TCERG1L: variants seen among roughly 807,000 people sequenced by gnomAD.
TCERG1L encodes transcription elongation regulator 1 like.
In TCERG1L, 37 loss-of-function variants were observed where a neutral mutation model predicts 56.3. That is an observed-to-expected ratio of 0.66 (90% CI 0.51 to 0.87). The LOEUF is 0.87. Ranked by LOEUF, TCERG1L falls within the 40% of genes least tolerant of loss-of-function variation. TCERG1L has a pLI of 0.00. For synonymous variants in TCERG1L, 324 were observed against 326.3 expected, an observed-to-expected ratio of 0.99 and a Z score of 0.08; for missense variants, 799 against 774.2, an observed-to-expected ratio of 1.03 and a Z score of -0.38.
intron 7 of TCERG1L, among the ~76,000 whole-genome samples, chr10:131,140,447 G>C (rs572671371): frequency 6.6e-6 from 1 of 152,202 alleles, no homozygotes; most frequent in African/African-American, 2.4e-5. Context: ...GGCTTGGTAG[G>C]TTAGAAGGTA....
intron 3 of TCERG1L, among the ~76,000 whole-genome samples, chr10:131,295,756 C>A (rs1846683489): frequency 6.6e-6 from 1 of 152,200 alleles, no homozygotes; most frequent in African/African-American, 2.4e-5. Flanking sequence ...AACCCTCCTT[C>A]TAGCTATTTG....
intron 4 of TCERG1L, among the ~76,000 whole-genome samples, chr10:131,230,834 C>T (rs11815527): frequency 9.6e-4 from 146 of 152,330 alleles, no homozygotes; most frequent in African/African-American, 3.3e-3. Context: ...TCCAGGCAGG[C>T]GGCTCTGGAC....
intron 3 of TCERG1L, among the ~76,000 whole-genome samples, chr10:131,273,118 C>G (rs1183587936): frequency 6.6e-6 from 1 of 152,200 alleles, no homozygotes; most frequent in Non-Finnish European, 1.5e-5. Context: ...GCAGCGCCAC[C>G]TTCCACTCCC....
intron 4 of TCERG1L, among the ~76,000 whole-genome samples, chr10:131,207,340 T>G (rs1408088080): frequency 6.6e-6 from 1 of 152,148 alleles, no homozygotes; most frequent in African/African-American, 2.4e-5. Flanking sequence ...GCAGGCCTGG[T>G]GGACAGGCGT....
At chr10:131,223,039 G>A (rs558309056) in intron 4 of TCERG1L, among the ~76,000 whole-genome samples, 5 of 152,302 alleles carry the variant, frequency 3.3e-5, no homozygotes, top group African/African-American at 9.6e-5. Context: ...TGGGGTTCAC[G>A]AGATGCAAGC....
intron 1 of TCERG1L, among the ~76,000 whole-genome samples, chr10:131,310,439 GAATTA>G (rs1033205619): frequency 5.9e-5 from 9 of 152,142 alleles, no homozygotes; most frequent in South Asian, 2.1e-4. Flanking sequence ...GATAATATTG[GAATTA>G]AATTAATCAA....
Position 131,093,202 on chromosome 10 carries a change from C to A in TCERG1L, c.1721G>T (p.Arg574Leu), listed in dbSNP as rs139123582. Residue 574 changes from arginine (R) to leucine (L), a missense_variant, in exon 12 of 12, where the codon CGG becomes CTG. Arg to Leu is a moderately radical substitution (Grantham distance 102). Transcript: ENST00000368642. ...CAGCCTTAGTCTGTTTTCCTTGTCC[C>A]GTTTCTTAAGAATAAGTATGAATTG... ...FNQFILILKK[R>L]DKENRLRLRK... 6.2e-7 allele frequency: 1 copy of A among 1,613,742 alleles called. No individual in the cohort carries two copies. The highest frequency in any genetic ancestry group is 8.5e-7 in the Non-Finnish European group (1 of 1,179,858).
chr10:131,306,424 A>G (rs1407441917), intron 3 of TCERG1L, among the ~76,000 whole-genome samples: 1 of 152,048 alleles, frequency 6.6e-6, no homozygotes, highest in Non-Finnish European at 1.5e-5. Context: ...GTAAATTAAA[A>G]AAAAGGGCAG....
At chr10:131,238,244 C>T (rs914897797) in intron 4 of TCERG1L, among the ~76,000 whole-genome samples, 1 of 152,126 alleles carries the variant, frequency 6.6e-6, no homozygotes. Flanking sequence ...GCAGCCATCT[C>T]GTTAAGGAAT....
intron 4 of TCERG1L, among the ~76,000 whole-genome samples, chr10:131,174,812 C>T (rs968956493): frequency 1.4e-4 from 21 of 152,060 alleles, no homozygotes; most frequent in Non-Finnish European, 2.9e-4. Context: ...GTCTCAGTAC[C>T]GAGAGGCAAC....
chr10:131,236,582 G>A lies in TCERG1L; in HGVS notation c.856+23677C>T, dbSNP rs371725662. 9.2e-5 allele frequency among the ~76,000 whole-genome samples: 14 copies of A among 152,184 alleles called. 1 individual carries two copies. In the East Asian group the frequency reaches 1.2e-3, roughly 13 times the overall value. Reference sequence around the variant, plus strand: ...TGGCACATCCCTTCATGTTTAGATCGTTTGTAGTTAAAAATGACATCTATT... The same window carrying A: ...TGGCACATCCCTTCATGTTTAGATCATTTGTAGTTAAAAATGACATCTATT... On this transcript the variant is annotated intron_variant, in intron 4 of 11. Transcript: ENST00000368642.
At chr10:131,207,705 G>A (rs890933790) in intron 4 of TCERG1L, among the ~76,000 whole-genome samples, 1 of 152,184 alleles carries the variant, frequency 6.6e-6, no homozygotes, top group Non-Finnish European at 1.5e-5. Flanking sequence ...TCTGCAGCAA[G>A]AGGAGGGGTG....
intron 4 of TCERG1L, among the ~76,000 whole-genome samples, chr10:131,220,522 C>G (rs142327155): frequency 2.3e-4 from 35 of 152,308 alleles, no homozygotes; most frequent in Non-Finnish European, 4.0e-4. Context: ...TGGCTACTGA[C>G]CTTACTTGGT....
At chr10:131,139,391 T>C (rs1441489324) in intron 7 of TCERG1L, among the ~76,000 whole-genome samples, 2 of 152,102 alleles carry the variant, frequency 1.3e-5, no homozygotes, top group Non-Finnish European at 2.9e-5. Context: ...TCATCATGCA[T>C]CCAGACAGGG....
At chr10:131,205,950 G>C (rs779373476) in intron 4 of TCERG1L, among the ~76,000 whole-genome samples, 7 of 152,188 alleles carry the variant, frequency 4.6e-5, no homozygotes, top group Non-Finnish European at 8.8e-5. Context: ...TCTGTGGGCA[G>C]ACAGCTTGCC....
At chr10:131,223,259 G>A (rs896105118) in intron 4 of TCERG1L, among the ~76,000 whole-genome samples, 3 of 152,152 alleles carry the variant, frequency 2.0e-5, no homozygotes, top group Admixed American at 6.5e-5. Flanking sequence ...CTCGGCCCCC[G>A]GGGCAAACGG....
At chr10:131,097,986 C>T (rs975363690) in intron 11 of TCERG1L, among the ~76,000 whole-genome samples, 65 of 152,138 alleles carry the variant, frequency 4.3e-4, no homozygotes, top group African/African-American at 1.2e-3. Flanking sequence ...TGAGTGCTCA[C>T]GTATTGATTG....
At chr10:131,221,580 C>T (rs1285854068) in intron 4 of TCERG1L, among the ~76,000 whole-genome samples, 1 of 152,228 alleles carries the variant, frequency 6.6e-6, no homozygotes, top group Non-Finnish European at 1.5e-5. Context: ...CAGAAGATAA[C>T]ACGCTTTTTA....
chr10:131,256,943 GAGAA>G (rs1318987942), intron 4 of TCERG1L, among the ~76,000 whole-genome samples: 7 of 116,464 alleles, frequency 6.0e-5, no homozygotes, highest in Admixed American at 3.1e-4. Context: ...GAGGGAGGAA[GAGAA>G]AGAAGGAAGG....
Sources: gnomAD v4.1 joint callset for allele counts (sites outside exome capture counted in the v4.1 genomes callset) on GRCh38, gnomAD v4.1.1 for gene constraint, MANE v1.5 for transcripts, NCBI Gene and HGNC (gene_info 2026-07-23, HGNC 2026-07-21) for gene names.